TEX2: variants seen among roughly 807,000 people sequenced by gnomAD.
TEX2 encodes the protein testis expressed 2.
TEX2 carries 53 observed loss-of-function variants against 106.9 expected under a neutral mutation model. That is an observed-to-expected ratio of 0.50 (90% CI 0.40 to 0.62). TEX2 has a LOEUF of 0.62. TEX2 is among the 20% of genes least tolerant of loss of function. TEX2 has a pLI of 0.00. For synonymous variants in TEX2, 523 were observed against 534.8 expected, an observed-to-expected ratio of 0.98 and a Z score of 0.30; for missense variants, 1,207 against 1,379.0, an observed-to-expected ratio of 0.88 and a Z score of 1.98.
chr17:64,237,688 G>A (rs2033800189), intron 1 of TEX2, among the ~76,000 whole-genome samples: 1 of 152,130 alleles, frequency 6.6e-6, no homozygotes, highest in South Asian at 2.1e-4. Flanking sequence ...TAGGTTTTGG[G>A]CTACAAGACT....
At chr17:64,151,867 T>C (rs1331645463) in intron 10 of TEX2, among the ~76,000 whole-genome samples, 6 of 152,248 alleles carry the variant, frequency 3.9e-5, no homozygotes, top group African/African-American at 1.4e-4. Context: ...TACAATATAT[T>C]AACAGTGGTT....
At chr17:64,247,297 GAA>G (rs1421160363) in intron 1 of TEX2, among the ~76,000 whole-genome samples, 1 of 151,092 alleles carries the variant, frequency 6.6e-6, no homozygotes, top group Non-Finnish European at 1.5e-5. Flanking sequence ...GAAAAGAAAA[GAA>G]AGAAAGAAGA....
Position 64,188,196 on chromosome 17 carries a change from G to A in TEX2, c.2396C>T (p.Ala799Val), listed in dbSNP as rs764443710. The change falls in exon 5 of 12, where the codon GCG (alanine) becomes GTG (valine). Residue 799 changes from alanine (A) to valine (V), a missense_variant. Ala to Val is a moderately conservative substitution (Grantham distance 64). This residue lies in a region of TEX2 where 1,067 missense variants were observed against 1,193.6 expected (regional missense o/e 0.89). Coordinates refer to ENST00000584379, the MANE Select transcript of TEX2 (RefSeq NM_001288732.2). ...RSPQRSPLQS[A>V]ESSPTAGKKL... ...CTTCCCAGCTGTGGGGCTGCTCTCCGCACTCTGCAGGGGGCTCCTCTGGGG... is the reference window on the plus strand; with the variant it reads ...CTTCCCAGCTGTGGGGCTGCTCTCCACACTCTGCAGGGGGCTCCTCTGGGG... The A allele has an allele frequency of 2.5e-5, 40 of 1,610,912 alleles. No individual in the cohort carries two copies. The highest frequency in any genetic ancestry group is 4.0e-5 in the African/African-American group (3 of 74,896).
At chr17:64,177,045 C>T (rs1260323419) in intron 6 of TEX2, among the ~76,000 whole-genome samples, 1 of 152,122 alleles carries the variant, frequency 6.6e-6, no homozygotes, top group Non-Finnish European at 1.5e-5. Flanking sequence ...GTTATAAGAG[C>T]TCACATTTTC....
intron 5 of TEX2, among the ~76,000 whole-genome samples, chr17:64,183,793 T>C (rs1197183192): frequency 6.7e-6 from 1 of 149,238 alleles, no homozygotes; most frequent in Non-Finnish European, 1.5e-5. Flanking sequence ...AAAATTTTTA[T>C]TATTTATTTA....
intron 1 of TEX2, among the ~76,000 whole-genome samples, chr17:64,225,369 C>T (rs147081309): frequency 0.022 from 3,279 of 152,208 alleles, 49 homozygotes; most frequent in Non-Finnish European, 0.034. Flanking sequence ...AAGGCAGCTA[C>T]ACAAGAGGGA....
chr17:64,260,636 G>C (rs1431199451), intron 1 of TEX2, among the ~76,000 whole-genome samples: 1 of 152,178 alleles, frequency 6.6e-6, no homozygotes, highest in Non-Finnish European at 1.5e-5. Flanking sequence ...GGACTGGAGA[G>C]GATATATACA....
intron 5 of TEX2, among the ~76,000 whole-genome samples, chr17:64,180,090 G>A (rs778307575): frequency 2.6e-5 from 4 of 152,032 alleles, no homozygotes; most frequent in African/African-American, 9.7e-5. Flanking sequence ...AGTCCCATCC[G>A]ATTATTTATA....
At chr17:64,174,900 A>C (rs1057438828) in intron 6 of TEX2, among the ~76,000 whole-genome samples, 1 of 152,180 alleles carries the variant, frequency 6.6e-6, no homozygotes, top group Non-Finnish European at 1.5e-5. Flanking sequence ...TTTTCACAAC[A>C]TGAGTCATGA....
chr17:64,188,432 G>T lies in TEX2; in HGVS notation c.2177-17C>A. ...GCAAAAGCCCTGGAGCCAAGAAGAC[G>T]GGGGCTATTCACACAATGAAGAAAA... On this transcript the variant is annotated splice_polypyrimidine_tract_variant and intron_variant, in intron 4 of 11. Coordinates refer to ENST00000584379, the MANE Select transcript of TEX2 (RefSeq NM_001288732.2). 6.2e-7 allele frequency: 1 copy of T among 1,613,476 alleles called. No homozygotes were observed. Among genetic ancestry groups the T allele is most frequent in the South Asian group, 1.1e-5 (1 of 91,038 alleles).
chr17:64,246,689 T>A (rs1461529330), intron 1 of TEX2, among the ~76,000 whole-genome samples: 2 of 152,124 alleles, frequency 1.3e-5, no homozygotes, highest in Non-Finnish European at 2.9e-5. Context: ...ATGATGTTCA[T>A]GAGGAAAGGA....
At chr17:64,257,916 CTT>C (rs566218290) in intron 1 of TEX2, among the ~76,000 whole-genome samples, 4 of 145,340 alleles carry the variant, frequency 2.8e-5, no homozygotes, top group African/African-American at 2.5e-5. Context: ...TATAACCGTT[CTT>C]TTTTTTTTTT....
intron 6 of TEX2, among the ~76,000 whole-genome samples, chr17:64,172,912 T>G (rs2031471148): frequency 6.6e-6 from 1 of 152,178 alleles, no homozygotes; most frequent in African/African-American, 2.4e-5. Flanking sequence ...CTACTTCATC[T>G]CAAGATTATA....
At chr17:64,226,748 AC>A (rs1423175782) in intron 1 of TEX2, among the ~76,000 whole-genome samples, 7 of 152,304 alleles carry the variant, frequency 4.6e-5, no homozygotes, top group Non-Finnish European at 1.0e-4. Flanking sequence ...AATGAGACAA[AC>A]CCTCTCTTGC....
At chr17:64,255,546 T>C (rs1299695890) in intron 1 of TEX2, among the ~76,000 whole-genome samples, 3 of 152,250 alleles carry the variant, frequency 2.0e-5, no homozygotes, top group African/African-American at 7.2e-5. Flanking sequence ...TATATTATTC[T>C]TCACTTTTGT....
intron 1 of TEX2, among the ~76,000 whole-genome samples, chr17:64,254,280 A>G (rs111966611): frequency 1.3e-5 from 2 of 152,206 alleles, no homozygotes; most frequent in Non-Finnish European, 2.9e-5. Context: ...TCTTCCTTCT[A>G]CTACATAATC....
chr17:64,150,317 A>C (rs2030286527), intron 11 of TEX2: 1 of 152,290 alleles, frequency 6.6e-6, no homozygotes, highest in Non-Finnish European at 1.5e-5. Flanking sequence ...GCTCTGGCTT[A>C]ATGAACTCCC....
chr17:64,250,154 G>A (rs782300192), intron 1 of TEX2, among the ~76,000 whole-genome samples: 17 of 152,116 alleles, frequency 1.1e-4, no homozygotes, highest in Non-Finnish European at 2.1e-4. Flanking sequence ...AGGAAACTGG[G>A]GTGGCCACAT....
chr17:64,248,426 G>A (rs1301883655), intron 1 of TEX2, among the ~76,000 whole-genome samples: 1 of 152,166 alleles, frequency 6.6e-6, no homozygotes, highest in African/African-American at 2.4e-5. Context: ...ATTCACAGGA[G>A]GCTGACTCTC....
Sources: gnomAD v4.1 joint callset for allele counts (sites outside exome capture counted in the v4.1 genomes callset) on GRCh38, gnomAD v4.1.1 for gene constraint, gnomAD v4.1.1 regional missense constraint, MANE v1.5 for transcripts, NCBI Gene and HGNC (gene_info 2026-07-23, HGNC 2026-07-21) for gene names.